Variants in AK8 observed in about 807,000 individuals in gnomAD.
AK8 encodes adenylate kinase 8.
AK8 carries 44 observed loss-of-function variants against 54.6 expected under a neutral mutation model. That is an observed-to-expected ratio of 0.81 (90% CI 0.63 to 1.04). The LOEUF is 1.04. Ranked by LOEUF, AK8 falls within the 50% of genes least tolerant of loss-of-function variation. AK8 has a pLI of 0.00. For missense variants in AK8, 555 were observed against 613.6 expected (o/e 0.90, Z 1.01); for synonymous variants, 239 against 245.6 (o/e 0.97, Z 0.25).
intron 9 of AK8, 93 bp downstream of exon 9, chr9:132,823,112 A>G (rs1024182237): frequency 6.8e-7 from 1 of 1,468,544 alleles, no homozygotes; most frequent in Non-Finnish European, 9.0e-7. Context: ...TTCCCCCCCA[A>G]CACCACCCCC....
chr9:132,809,386 A>C (rs417801), intron 10 of AK8, among the ~76,000 whole-genome samples: 42,859 of 151,910 alleles, frequency 0.28, 6,198 homozygotes, highest in East Asian at 0.49. Context: ...TGTTCCCTTC[A>C]CCCTGTGGCC....
chr9:132,811,685 G>A (rs548208506), intron 10 of AK8, among the ~76,000 whole-genome samples: 4 of 152,306 alleles, frequency 2.6e-5, no homozygotes, highest in African/African-American at 7.2e-5. Flanking sequence ...ATGAGCATTC[G>A]CACACTGATG....
chr9:132,864,894 T>A (rs1340007240), intron 3 of AK8, among the ~76,000 whole-genome samples: 1 of 152,174 alleles, frequency 6.6e-6, no homozygotes, highest in African/African-American at 2.4e-5. Flanking sequence ...AGCCTCCCAC[T>A]GAGCAACCAG....
chr9:132,788,215 C>CA (rs1379044754), intron 11 of AK8, among the ~76,000 whole-genome samples: 5 of 151,666 alleles, frequency 3.3e-5, no homozygotes, highest in African/African-American at 7.3e-5. Context: ...AAAGGAAAAA[C>CA]AAAAAAAAGC....
intron 10 of AK8, among the ~76,000 whole-genome samples, chr9:132,794,290 G>T (rs1840061598): frequency 6.6e-6 from 1 of 152,180 alleles, no homozygotes; most frequent in Non-Finnish European, 1.5e-5. Context: ...GCTCCCCAGT[G>T]CTCCGAGGAT....
intron 3 of AK8, among the ~76,000 whole-genome samples, chr9:132,864,887 CT>C (rs1331430363): frequency 6.6e-6 from 1 of 152,186 alleles, no homozygotes; most frequent in East Asian, 1.9e-4. Context: ...AAAGGAGAGC[CT>C]CCCACTGAGC....
intron 11 of AK8, among the ~76,000 whole-genome samples, chr9:132,733,814 G>A (rs1590167653): frequency 6.6e-6 from 1 of 152,322 alleles, no homozygotes; most frequent in South Asian, 2.1e-4. Context: ...TCAAAACAGG[G>A]TGTGCTGGGC....
chr9:132,762,152 G>A (rs1838504893), intron 11 of AK8, among the ~76,000 whole-genome samples: 1 of 152,288 alleles, frequency 6.6e-6, no homozygotes, highest in South Asian at 2.1e-4. Flanking sequence ...TTACAGGAAT[G>A]AGCCACTGCG....
chr9:132,741,879 T>C (rs1837409388), intron 11 of AK8, among the ~76,000 whole-genome samples: 2 of 152,170 alleles, frequency 1.3e-5, no homozygotes, highest in Non-Finnish European at 2.9e-5. Flanking sequence ...ATTCTGCACA[T>C]TTCACAAGAC....
intron 11 of AK8, among the ~76,000 whole-genome samples, chr9:132,774,937 G>GA (rs1427801642): frequency 2.6e-5 from 4 of 152,216 alleles, no homozygotes; most frequent in Admixed American, 2.6e-4. Flanking sequence ...AGGAGGGAAA[G>GA]AAATTGAGAT....
In AK8 at chr9:132,828,044, G is replaced by A; in HGVS notation, c.525C>T (p.Asn175=). Residue 175 remains asparagine (N), a synonymous_variant, in exon 7 of 13, where the codon AAC becomes AAT. Transcript: ENST00000298545. ...TTTGAGGGTCGATTCTCTTCCCCAAGTTTCTCTCGATCAGGACCGTGTCTG... is the reference window on the plus strand; with the variant it reads ...TTTGAGGGTCGATTCTCTTCCCCAAATTTCTCTCGATCAGGACCGTGTCTG... ...SAPDTVLIER[N]LGKRIDPQTG... is the part of the protein sequence containing the mutation. 6.4e-7 allele frequency: 1 copy of A among 1,571,786 alleles called. No homozygotes were observed. Among genetic ancestry groups the A allele is most frequent in the South Asian group, 1.2e-5 (1 of 85,524 alleles).
chr9:132,834,566 C>T (rs887781693), intron 5 of AK8, among the ~76,000 whole-genome samples: 2 of 152,150 alleles, frequency 1.3e-5, no homozygotes, highest in Admixed American at 6.5e-5. Context: ...AGCAGGAACC[C>T]GTTACCCCTT....
In AK8 at chr9:132,877,764, G is replaced by C. The variant is rs1237464553; in HGVS notation, c.84+408C>G. The C allele has an allele frequency of 1.1e-5, 5 of 457,790 alleles. No individual in the cohort carries two copies. In the East Asian group the frequency reaches 2.6e-4, roughly 24 times the overall value. The allele number at this position is 457,790 out of a possible 1,614,324, so 28.4% of individuals were successfully genotyped here. ...AATGCCCACCTCAGAAACCTGGGCC[G>C]AGAGGCTCCCCACAAATTCGACAGA... On this transcript the variant is annotated intron_variant, in intron 1 of 12. Transcript: ENST00000298545.
intron 5 of AK8, among the ~76,000 whole-genome samples, chr9:132,848,557 C>T (rs570131495): frequency 1.3e-5 from 2 of 152,318 alleles, no homozygotes; most frequent in South Asian, 4.1e-4. Flanking sequence ...CCACTCCAGT[C>T]CCCTTCACTA....
intron 10 of AK8, among the ~76,000 whole-genome samples, chr9:132,796,770 TACACACAC>T (rs10590924): frequency 0.035 from 5,016 of 142,372 alleles, 151 homozygotes; most frequent in African/African-American, 0.066. Context: ...ACATACATGC[TACACACAC>T]ACACACACAC....
chr9:132,814,034 T>G (rs1285201035), intron 10 of AK8, among the ~76,000 whole-genome samples: 3 of 151,926 alleles, frequency 2.0e-5, no homozygotes, highest in Admixed American at 6.6e-5. Context: ...TCCCAGCGTT[T>G]TGGGAGGCTG....
At chr9:132,787,981 A>G (rs1401869919) in intron 11 of AK8, among the ~76,000 whole-genome samples, 1 of 152,022 alleles carries the variant, frequency 6.6e-6, no homozygotes, top group Non-Finnish European at 1.5e-5. Context: ...TCAACTATGC[A>G]GTAAGCCTAG....
In AK8 at chr9:132,806,728, T is replaced by C. The variant is rs1350137328; in HGVS notation, c.979+7910A>G. 2.0e-5 allele frequency among the ~76,000 whole-genome samples: 3 copies of C among 152,308 alleles called. No homozygotes were observed. The East Asian group carries it at 5.8e-4, about 29-fold the overall frequency. On this transcript the variant is annotated intron_variant, in intron 10 of 12. Transcript: ENST00000298545. Reference sequence around the variant, plus strand: ...TAATTCCCCCTTAAAAATGCAGCACTTTGGCTGAGCTCTGATCCACACCTC... The same window carrying C: ...TAATTCCCCCTTAAAAATGCAGCACCTTGGCTGAGCTCTGATCCACACCTC...
Position 132,857,810 on chromosome 9 carries a change from C to A in AK8, c.334-2885G>T, listed in dbSNP as rs369731559. On this transcript the variant is annotated intron_variant, in intron 4 of 12. Coordinates refer to ENST00000298545, the MANE Select transcript of AK8 (RefSeq NM_152572.3). ...GCCTGCACAGCAGGGGACAGGCCTG[C>A]GGCTTTGAGCGCAGCTACTCCTGAG... is the stretch of plus-strand genomic sequence containing the variant. Among the ~76,000 whole-genome samples, 7 of 152,348 alleles carry A rather than the reference C, an allele frequency of 4.6e-5. No individual in the cohort carries two copies. In the South Asian group the frequency reaches 8.3e-4, roughly 18 times the overall value.
Sources: gnomAD v4.1 joint callset for allele counts (sites outside exome capture counted in the v4.1 genomes callset) on GRCh38, gnomAD v4.1.1 for gene constraint, MANE v1.5 for transcripts, NCBI Gene and HGNC (gene_info 2026-07-23, HGNC 2026-07-21) for gene names.